PIAS2: variants seen among roughly 807,000 people sequenced by gnomAD.
The protein encoded by PIAS2 is protein inhibitor of activated STAT 2, also known as E3 SUMO-protein ligase PIAS2.
A neutral mutation model predicts 69.7 loss-of-function variants in PIAS2; 19 were observed. The observed-to-expected ratio is 0.27, with a 90% CI of 0.19 to 0.40. The LOEUF is 0.40. Ranked by LOEUF, PIAS2 falls within the 10% of genes least tolerant of loss-of-function variation. PIAS2 has a pLI of 1.00. For synonymous variants in PIAS2, 261 were observed against 263.2 expected (o/e 0.99, Z 0.08); for missense variants, 624 against 757.0 (o/e 0.82, Z 2.06).
At chr18:46,817,491 T>G in intron 12 of PIAS2, 5 of 943,484 alleles carry the variant, frequency 5.3e-6, no homozygotes, top group Non-Finnish European at 6.3e-6. Flanking sequence ...GTTCTTCAGA[T>G]GTACTGTAAT....
chr18:46,877,395 C>T (rs1039550095), intron 2 of PIAS2, among the ~76,000 whole-genome samples: 1 of 151,924 alleles, frequency 6.6e-6, no homozygotes, highest in African/African-American at 2.4e-5. Context: ...TCTAAGCTAC[C>T]TGCTCTGTAA....
chr18:46,918,088 G>C (rs1279949170), upstream of PIAS2: 1 of 152,012 alleles, frequency 6.6e-6, no homozygotes, highest in Non-Finnish European at 1.5e-5. Flanking sequence ...TGGGGGCGGG[G>C]AGAAGTGAAA....
chr18:46,813,608 T>G (rs2041202567), intron 13 of PIAS2, among the ~76,000 whole-genome samples: 1 of 152,206 alleles, frequency 6.6e-6, no homozygotes, highest in South Asian at 2.1e-4. Context: ...TTATGCAGCT[T>G]ATCATTAGAG....
intron 12 of PIAS2, chr18:46,816,583 G>A (rs1008734542): frequency 5.8e-5 from 20 of 347,464 alleles, no homozygotes; most frequent in Middle Eastern, 1.6e-3. Context: ...CCTCAGCTTC[G>A]CAAGAAGCAG....
chr18:46,894,964 T>C (rs1412384608), intron 1 of PIAS2, among the ~76,000 whole-genome samples: 2 of 151,220 alleles, frequency 1.3e-5, no homozygotes, highest in Non-Finnish European at 2.9e-5. Flanking sequence ...TCCCAGCTAC[T>C]CAGGAGGATG....
intron 2 of PIAS2, among the ~76,000 whole-genome samples, chr18:46,866,531 T>TTA (rs1244666192): frequency 6.6e-6 from 1 of 152,236 alleles, no homozygotes; most frequent in Non-Finnish European, 1.5e-5. Flanking sequence ...ATCACCAGGA[T>TTA]TATTTTAAAA....
intron 3 of PIAS2, among the ~76,000 whole-genome samples, chr18:46,863,017 AT>A (rs1282255813): frequency 3.3e-5 from 5 of 151,930 alleles, no homozygotes; most frequent in Admixed American, 6.6e-5. Flanking sequence ...TTTTAAAAAT[AT>A]TTTTAATTGG....
intron 2 of PIAS2, among the ~76,000 whole-genome samples, chr18:46,880,965 T>A (rs1191352766): frequency 6.6e-6 from 1 of 152,248 alleles, no homozygotes; most frequent in African/African-American, 2.4e-5. Context: ...TTAATCAGAT[T>A]TAAATAGAAC....
intron 1 of PIAS2, among the ~76,000 whole-genome samples, chr18:46,897,902 C>T (rs1291434364): frequency 6.6e-6 from 1 of 151,236 alleles, no homozygotes; most frequent in East Asian, 1.9e-4. Flanking sequence ...GACAGGATCT[C>T]GTTTTATTGC....
intron 8 of PIAS2, among the ~76,000 whole-genome samples, chr18:46,841,549 C>A (rs1270724414): frequency 6.6e-6 from 1 of 152,318 alleles, no homozygotes; most frequent in African/African-American, 2.4e-5. Context: ...TCCACCAAAT[C>A]TAATCAAAAC....
chr18:46,855,520 AG>A (rs1169074137), intron 4 of PIAS2, 44 bp downstream of exon 4: 1 of 1,568,458 alleles, frequency 6.4e-7, no homozygotes, highest in Non-Finnish European at 8.8e-7. Context: ...ACATGCACAT[AG>A]TAAGCAAGTA....
intron 2 of PIAS2, among the ~76,000 whole-genome samples, chr18:46,871,136 T>C (rs1398933281): frequency 2.0e-5 from 3 of 152,140 alleles, no homozygotes; most frequent in Non-Finnish European, 2.9e-5. Flanking sequence ...TGGCCAGATA[T>C]TGCTAAGAAA....
chr18:46,890,518 T>A, intron 2 of PIAS2, 62 bp downstream of exon 2: 1 of 975,118 alleles, frequency 1.0e-6, no homozygotes, highest in Non-Finnish European at 1.6e-6. Flanking sequence ...TAATCAATAG[T>A]TGAAGGTCTC....
At chr18:46,813,019 T>A (rs536966415) in intron 13 of PIAS2, among the ~76,000 whole-genome samples, 3 of 152,334 alleles carry the variant, frequency 2.0e-5, no homozygotes, top group Non-Finnish European at 2.9e-5. Flanking sequence ...ATAACATTTT[T>A]AAAAGTATTT....
chr18:46,821,434 AAACT>A (rs2042168589), intron 11 of PIAS2, among the ~76,000 whole-genome samples: 1 of 152,176 alleles, frequency 6.6e-6, no homozygotes, highest in Non-Finnish European at 1.5e-5. Context: ...AAGAAATTTA[AAACT>A]AACATAGAAG....
intron 1 of PIAS2, among the ~76,000 whole-genome samples, chr18:46,892,710 G>C (rs1281186264): frequency 1.3e-5 from 2 of 152,042 alleles, no homozygotes; most frequent in African/African-American, 4.8e-5. Context: ...GGAATTTGAG[G>C]CTACAGTGAA....
At chr18:46,838,107 C>A (rs1329216589) in intron 8 of PIAS2, among the ~76,000 whole-genome samples, 2 of 152,144 alleles carry the variant, frequency 1.3e-5, no homozygotes, top group African/African-American at 4.8e-5. Context: ...TTAGGATGTT[C>A]TTTTTCTTTT....
At chr18:46,880,268 C>T (rs144896248) in intron 2 of PIAS2, among the ~76,000 whole-genome samples, 103 of 152,174 alleles carry the variant, frequency 6.8e-4, no homozygotes, top group African/African-American at 2.4e-3. Flanking sequence ...CATGGTGGTG[C>T]ACACCTGTGG....
chr18:46,829,876 CAATT>C lies in PIAS2; in HGVS notation c.1203-13_1203-10del. On this transcript the variant is annotated splice_polypyrimidine_tract_variant and intron_variant, in intron 9 of 13. Coordinates refer to ENST00000585916, the MANE Select transcript of PIAS2 (RefSeq NM_004671.5). ...GAATTTCCATAAAAAGCCTAAAAAA[CAATT>C]AAGAAGTACATACATGTGATCAACA... The C allele has an allele frequency of 6.2e-7, 1 of 1,609,468 alleles. No homozygotes were observed. The highest frequency in any genetic ancestry group is 8.5e-7 in the Non-Finnish European group (1 of 1,178,004).
Sources: allele counts gnomAD v4.1 joint callset (sites outside exome capture counted in the v4.1 genomes callset), GRCh38; gene constraint gnomAD v4.1.1; transcripts MANE v1.5; gene names NCBI Gene and HGNC (gene_info 2026-07-23, HGNC 2026-07-21).